Variants in SLC25A12 observed in about 807,000 individuals in gnomAD.
The protein encoded by SLC25A12 is solute carrier family 25 member 12.
Under a neutral mutation model 83.3 loss-of-function variants are expected in SLC25A12, and 32 were observed. That is an observed-to-expected ratio of 0.38 (90% CI 0.29 to 0.52). SLC25A12 has a LOEUF of 0.52. Ranked by LOEUF, SLC25A12 falls within the 20% of genes least tolerant of loss-of-function variation. SLC25A12 has a pLI of 0.84. For missense variants in SLC25A12, 611 were observed against 835.6 expected, an observed-to-expected ratio of 0.73 and a Z score of 3.31; for synonymous variants, 267 against 291.1, an observed-to-expected ratio of 0.92 and a Z score of 0.84.
At chr2:171,827,282 G>C (rs1478563224) in intron 8 of SLC25A12, among the ~76,000 whole-genome samples, 2 of 151,284 alleles carry the variant, frequency 1.3e-5, no homozygotes, top group South Asian at 2.1e-4. Flanking sequence ...CGAAGGAAAG[G>C]AACAAGGGTA....
intron 2 of SLC25A12, among the ~76,000 whole-genome samples, chr2:171,877,927 G>T (rs971358993): frequency 6.6e-6 from 1 of 152,082 alleles, no homozygotes; most frequent in Non-Finnish European, 1.5e-5. Flanking sequence ...AAATTCTGAT[G>T]TGTTGTGACT....
At chr2:171,801,697 C>T (rs1683710606) in intron 13 of SLC25A12, among the ~76,000 whole-genome samples, 1 of 151,998 alleles carries the variant, frequency 6.6e-6, no homozygotes, top group Non-Finnish European at 1.5e-5. Flanking sequence ...ATGAGATATC[C>T]AATACTGTAT....
intron 2 of SLC25A12, among the ~76,000 whole-genome samples, chr2:171,886,446 TG>T (rs1363490866): frequency 2.8e-5 from 4 of 140,534 alleles, no homozygotes; most frequent in African/African-American, 1.1e-4. Flanking sequence ...TTGCCTAGGC[TG>T]TTTTTTTTTT....
intron 10 of SLC25A12, among the ~76,000 whole-genome samples, chr2:171,814,852 G>A (rs966280477): frequency 1.4e-4 from 22 of 152,240 alleles, no homozygotes; most frequent in Admixed American, 4.6e-4. Context: ...ACTGGCCTTA[G>A]CCAGTATAAT....
At chr2:171,857,792 G>A (rs1685076552) in intron 3 of SLC25A12, among the ~76,000 whole-genome samples, 1 of 151,886 alleles carries the variant, frequency 6.6e-6, no homozygotes, top group Non-Finnish European at 1.5e-5. Context: ...TCAAAAGGAT[G>A]AGGCATGAGG....
At position 171,815,222 on chromosome 2, in the gene SLC25A12, TA is replaced by T. The variant is rs199696996; in HGVS notation, c.931-21del. 1.9e-4 allele frequency: 302 copies of T among 1,577,588 alleles called. No homozygotes were observed. The highest frequency in any genetic ancestry group is 2.4e-4 in the Non-Finnish European group (270 of 1,148,502). Reference sequence around the variant, plus strand: ...AGACTGCTGCAGAGAAGAAAACGGGTAAAAAAAAATCTTGAAAGCGCACACA... The same window carrying T: ...AGACTGCTGCAGAGAAGAAAACGGGTAAAAAAAATCTTGAAAGCGCACACA... On this transcript the variant is annotated intron_variant, in intron 9 of 17. Transcript: ENST00000422440.
rs747486658 is a variant in SLC25A12 at position 171,868,738 on chromosome 2, T to C, written c.152A>G (p.Asn51Ser). The part of the protein sequence containing the change: ...QRYLGLYNDP[N>S]SNPKIVQLLA... ...GAGCTGCACGATCTTTGGGTTACTA[T>C]TTGGATCATTATACAGTCCAAGATA... Residue 51 changes from asparagine to serine, a missense_variant, in exon 3 of 18, where the codon AAT (asparagine) becomes AGT (serine). Around this residue, in one of 3 missense-constraint regions of SLC25A12, gnomAD observed 540 missense variants for 777.5 expected, o/e 0.69. Coordinates refer to ENST00000422440, the MANE Select transcript of SLC25A12 (RefSeq NM_003705.5). 33 of 1,613,944 alleles carry C rather than the reference T, an allele frequency of 2.0e-5. No individual in the cohort carries two copies. The highest frequency in any genetic ancestry group is 2.6e-5 in the Non-Finnish European group (31 of 1,179,916).
chr2:171,885,516 C>T (rs1685799965), intron 2 of SLC25A12, among the ~76,000 whole-genome samples: 2 of 151,882 alleles, frequency 1.3e-5, no homozygotes, highest in Non-Finnish European at 2.9e-5. Context: ...CCTGTCTCTA[C>T]TAAAAACACA....
At chr2:171,887,124 T>A (rs1486219054) in intron 2 of SLC25A12, among the ~76,000 whole-genome samples, 3 of 152,176 alleles carry the variant, frequency 2.0e-5, no homozygotes, top group Non-Finnish European at 4.4e-5. Flanking sequence ...CAAAAATAAG[T>A]AAATAAAATA....
intron 17 of SLC25A12, 50 bp from the exon 18 acceptor site, chr2:171,785,525 G>A (rs914125909): frequency 5.9e-6 from 9 of 1,520,010 alleles, no homozygotes; most frequent in South Asian, 3.4e-5. Context: ...GTGGATGAGC[G>A]CAGCTTACAG....
chr2:171,804,014 TC>T (rs1345698801), intron 13 of SLC25A12, among the ~76,000 whole-genome samples: 1 of 152,016 alleles, frequency 6.6e-6, no homozygotes, highest in African/African-American at 2.4e-5. Flanking sequence ...TGAAAACATG[TC>T]CATGCAAAAC....
In SLC25A12 at chr2:171,791,588, C is replaced by A; in HGVS notation, c.1448G>T (p.Gly483Val). The A allele has an allele frequency of 6.2e-7, 1 of 1,613,828 alleles. No individual in the cohort carries two copies. Among genetic ancestry groups the A allele is most frequent in the Non-Finnish European group, 8.5e-7 (1 of 1,179,778 alleles). Residue 483 changes from glycine (G) to valine (V), a missense_variant and splice_region_variant, in exon 15 of 18, where the codon GGT (glycine) becomes GTT (valine). Gly to Val is a moderately radical substitution (Grantham distance 109). Transcript: ENST00000422440. ...RDLGIFGLYK[G>V]AKACFLRDIP... Reference sequence around the variant, plus strand: ...GTCTCGGAGGAAACACGCTTTGGCACCCTGTCACACAGTGAGGAAATAGTG... The same window carrying A: ...GTCTCGGAGGAAACACGCTTTGGCAACCTGTCACACAGTGAGGAAATAGTG...
intron 2 of SLC25A12, among the ~76,000 whole-genome samples, chr2:171,875,840 G>A (rs552923825): frequency 2.6e-5 from 4 of 151,046 alleles, no homozygotes; most frequent in Admixed American, 6.6e-5. Flanking sequence ...GTTAACCCGG[G>A]CGGCGGAGCT....
intron 2 of SLC25A12, among the ~76,000 whole-genome samples, chr2:171,884,721 G>A (rs1205239604): frequency 6.6e-6 from 1 of 151,542 alleles, no homozygotes; most frequent in Non-Finnish European, 1.5e-5. Flanking sequence ...GTTGCAGTGA[G>A]CTGAGACTGC....
Position 171,892,719 on chromosome 2 carries a change from G to A in SLC25A12, c.66+486C>T, listed in dbSNP as rs1000693463. On this transcript the variant is annotated intron_variant, in intron 2 of 17. Transcript: ENST00000422440. The stretch of plus-strand genomic sequence containing the variant: ...AAGAATCTTAAGAGGTAACATTTTG[G>A]GGTAAAATCCCCAAGGCTTAAGGAT... 3.8e-4 allele frequency among the ~76,000 whole-genome samples: 20 copies of A among 53,030 alleles called. 2 individuals are homozygous for A. Among genetic ancestry groups the A allele is most frequent in the African/African-American group, 8.0e-4 (20 of 25,076 alleles). The allele number at this position is 53,030 out of a possible 152,430, so 34.8% of individuals were successfully genotyped here. A position where few individuals can be genotyped will look rare whatever the true frequency, so the allele number is the denominator to read the frequency against.
At chr2:171,844,176 A>G (rs565030660) in intron 5 of SLC25A12, among the ~76,000 whole-genome samples, 193 bp downstream of exon 5, 17 of 152,360 alleles carry the variant, frequency 1.1e-4, no homozygotes, top group African/African-American at 3.6e-4. Context: ...TACTATTTAA[A>G]TAAATGGAAG....
intron 5 of SLC25A12, among the ~76,000 whole-genome samples, chr2:171,841,066 G>T (rs191041792): frequency 6.6e-6 from 1 of 151,914 alleles, no homozygotes; most frequent in Admixed American, 6.6e-5. Context: ...TGGAACAAGA[G>T]GGATTTGTTT....
At chr2:171,870,503 C>T (rs888478397) in intron 2 of SLC25A12, among the ~76,000 whole-genome samples, 1 of 151,958 alleles carries the variant, frequency 6.6e-6, no homozygotes, top group Admixed American at 6.5e-5. Context: ...TGCCTATAGT[C>T]CTAACTACTC....
chr2:171,813,815 A>G (rs1683994992), intron 10 of SLC25A12, among the ~76,000 whole-genome samples: 1 of 152,208 alleles, frequency 6.6e-6, no homozygotes, highest in Non-Finnish European at 1.5e-5. Context: ...CTATAGTAAC[A>G]ACATTAAACT....
Sources: allele counts gnomAD v4.1 joint callset (sites outside exome capture counted in the v4.1 genomes callset), GRCh38; gene constraint gnomAD v4.1.1; regional missense constraint gnomAD v4.1.1; transcripts MANE v1.5; gene names NCBI Gene and HGNC (gene_info 2026-07-23, HGNC 2026-07-21).